RCAN2: variants seen among roughly 807,000 people sequenced by gnomAD.
RCAN2 encodes the protein calcipressin-2.
Under a neutral mutation model 23.6 loss-of-function variants are expected in RCAN2, and 9 were observed. That is an observed-to-expected ratio of 0.38 (90% confidence interval 0.23 to 0.67). RCAN2 has a LOEUF of 0.67. Ranked by LOEUF, RCAN2 falls within the 30% of genes least tolerant of loss-of-function variation. RCAN2 has a pLI of 0.51. For missense variants in RCAN2, 273 were observed against 302.3 expected (o/e 0.90, Z 0.72); for synonymous variants, 109 against 115.7 (o/e 0.94, Z 0.37).
At chr6:46,294,153 A>G (rs1027321978) in intron 2 of RCAN2, among the ~76,000 whole-genome samples, 2 of 152,176 alleles carry the variant, frequency 1.3e-5, no homozygotes, top group African/African-American at 4.8e-5. Flanking sequence ...CAAACTAATA[A>G]TAACAGAATA....
intron 2 of RCAN2, among the ~76,000 whole-genome samples, chr6:46,428,674 T>C (rs1767103108): frequency 6.6e-6 from 1 of 152,190 alleles, no homozygotes; most frequent in Non-Finnish European, 1.5e-5. Context: ...TTTCCAACCA[T>C]GAAGCTCACC....
intron 2 of RCAN2, among the ~76,000 whole-genome samples, chr6:46,425,896 C>CTTTTTT (rs1049166361): frequency 9.5e-5 from 12 of 126,690 alleles, no homozygotes; most frequent in South Asian, 2.7e-4. Context: ...TTCTTTCTTT[C>CTTTTTT]TTTTTTTTTT....
At chr6:46,234,025 G>T (rs1370966770) in intron 4 of RCAN2, among the ~76,000 whole-genome samples, 1 of 152,098 alleles carries the variant, frequency 6.6e-6, no homozygotes, top group Non-Finnish European at 1.5e-5. Flanking sequence ...CACCGTGCCC[G>T]GCCTGAAGAC....
At chr6:46,247,907 C>G (rs1766576124) in intron 3 of RCAN2, among the ~76,000 whole-genome samples, 1 of 152,100 alleles carries the variant, frequency 6.6e-6, no homozygotes, top group Non-Finnish European at 1.5e-5. Context: ...TTTTAAGGAA[C>G]TGAGTGAGAT....
chr6:46,249,319 T>TTC (rs1766629949), intron 2 of RCAN2, among the ~76,000 whole-genome samples: 1 of 7,164 alleles, frequency 1.4e-4, no homozygotes, highest in East Asian at 2.2e-3. Context: ...CTTTCTTTCT[T>TTC]TTTTTTTTTT....
At chr6:46,466,743 T>C (rs2077969496) in intron 1 of RCAN2, among the ~76,000 whole-genome samples, 1 of 152,164 alleles carries the variant, frequency 6.6e-6, no homozygotes, top group Admixed American at 6.5e-5. Context: ...ACTTATCAAC[T>C]GCCTCATCAA....
chr6:46,353,694 A>G (rs1281271648), intron 2 of RCAN2, among the ~76,000 whole-genome samples: 2 of 152,052 alleles, frequency 1.3e-5, no homozygotes, highest in Non-Finnish European at 2.9e-5. Flanking sequence ...ACCTATTTCA[A>G]CTCTTTTTAA....
At chr6:46,246,531 A>C (rs1766519451) in intron 4 of RCAN2, among the ~76,000 whole-genome samples, 1 of 152,180 alleles carries the variant, frequency 6.6e-6, no homozygotes, top group South Asian at 2.1e-4. Flanking sequence ...TGGACTTGAC[A>C]CCATTTTAGT....
At position 46,334,469 on chromosome 6, in the gene RCAN2, T is replaced by C. The variant is rs116722026; in HGVS notation, c.226-85573A>G. 5.4e-3 allele frequency among the ~76,000 whole-genome samples: 814 copies of C among 152,108 alleles called. 2 individuals are homozygous for C. Among genetic ancestry groups the C allele is most frequent in the African/African-American group, 0.019 (769 of 41,468 alleles). On this transcript the variant is annotated intron_variant, in intron 2 of 4. Transcript: ENST00000371374. ...TACTGTCACACAGACAAGAAATAAA[T>C]CTACAACCTAGGTCCCTATAAAGGA...
At chr6:46,298,390 C>A (rs1309212575) in intron 2 of RCAN2, among the ~76,000 whole-genome samples, 2 of 151,974 alleles carry the variant, frequency 1.3e-5, no homozygotes, top group Admixed American at 6.6e-5. Context: ...GTGGTGAGGG[C>A]AATATTGAGC....
chr6:46,488,695 C>T (rs1335503031), intron 1 of RCAN2, among the ~76,000 whole-genome samples: 2 of 152,134 alleles, frequency 1.3e-5, no homozygotes, highest in Non-Finnish European at 2.9e-5. Context: ...TCTCAAGTCT[C>T]CTCTTATTTA....
chr6:46,281,376 T>C (rs1032772546), intron 2 of RCAN2, among the ~76,000 whole-genome samples: 2 of 151,914 alleles, frequency 1.3e-5, no homozygotes, highest in Admixed American at 1.3e-4. Flanking sequence ...ATTCCTGGAG[T>C]TGCCATCTGG....
At chr6:46,361,833 A>G (rs1408343846) in intron 2 of RCAN2, among the ~76,000 whole-genome samples, 1 of 152,166 alleles carries the variant, frequency 6.6e-6, no homozygotes, top group African/African-American at 2.4e-5. Context: ...TTGATACCTA[A>G]AGAGGAGTTT....
chr6:46,283,114 G>A (rs935073258), intron 2 of RCAN2, among the ~76,000 whole-genome samples: 104 of 152,262 alleles, frequency 6.8e-4, no homozygotes, highest in African/African-American at 2.4e-3. Flanking sequence ...AGTGACCAAG[G>A]CAGCACTGCA....
chr6:46,410,840 C>T (rs1766532045), intron 2 of RCAN2, among the ~76,000 whole-genome samples: 2 of 152,180 alleles, frequency 1.3e-5, no homozygotes, highest in African/African-American at 4.8e-5. Flanking sequence ...AGCTATCTAT[C>T]AATTTCAAAG....
In RCAN2 at chr6:46,439,008, A is replaced by G. The variant is rs560351730; in HGVS notation, c.225+17744T>C. On this transcript the variant is annotated intron_variant, in intron 2 of 4. Coordinates refer to ENST00000371374, the MANE Select transcript of RCAN2 (RefSeq NM_001251974.2). Reference sequence around the variant, plus strand: ...TTAGGATACATCTTAGGTATATCTTAGAATATAATATCTTTCAGGGTTATG... The same window carrying G: ...TTAGGATACATCTTAGGTATATCTTGGAATATAATATCTTTCAGGGTTATG... Among the ~76,000 whole-genome samples, 16 of 152,332 alleles carry G rather than the reference A, an allele frequency of 1.1e-4. No individual in the cohort carries two copies. The South Asian group carries it at 3.3e-3, about 32-fold the overall frequency.
chr6:46,428,770 T>C (rs1451695748), intron 2 of RCAN2, among the ~76,000 whole-genome samples: 1 of 152,226 alleles, frequency 6.6e-6, no homozygotes, highest in Non-Finnish European at 1.5e-5. Flanking sequence ...TTCTCCCTCA[T>C]GGAGGCAATT....
In RCAN2 at chr6:46,422,023, G is replaced by A. The variant is rs566893673; in HGVS notation, c.225+34729C>T. Among the ~76,000 whole-genome samples the A allele has an allele frequency of 2.0e-5, 3 of 152,310 alleles. No homozygotes were observed. The South Asian group carries it at 6.2e-4, about 32-fold the overall frequency. ...CATAAGAATAGATGCCTTAGGGAGT[G>A]CTGCAGTTTGGTTTGTTTGACTCTT... On this transcript the variant is annotated intron_variant, in intron 2 of 4. Coordinates refer to ENST00000371374, the MANE Select transcript of RCAN2 (RefSeq NM_001251974.2).
rs139756270 is a variant in RCAN2, at chr6:46,347,236, T to G, written c.226-98340A>C. 5.3e-5 allele frequency among the ~76,000 whole-genome samples: 8 copies of G among 152,330 alleles called. No individual in the cohort carries two copies. The East Asian group carries it at 1.5e-3, about 29-fold the overall frequency. On this transcript the variant is annotated intron_variant, in intron 2 of 4. Transcript: ENST00000371374. ...CAACACCACAGTTTATACAATGATA[T>G]TTCTCTGGAGAAGCTTTCAAATTAA...
Sources: allele counts gnomAD v4.1 joint callset (sites outside exome capture counted in the v4.1 genomes callset), GRCh38; gene constraint gnomAD v4.1.1; transcripts MANE v1.5; gene names NCBI Gene and HGNC (gene_info 2026-07-23, HGNC 2026-07-21).